Variants in ZNRF3 observed in about 807,000 individuals in gnomAD.
ZNRF3 encodes the protein zinc and ring finger 3.
ZNRF3 carries 23 observed loss-of-function variants against 72.5 expected under a neutral mutation model. The observed-to-expected ratio is 0.32, with a 90% CI of 0.23 to 0.45. The LOEUF is 0.45. ZNRF3 is among the 20% of genes least tolerant of loss of function. The pLI is 1.00. For missense variants in ZNRF3, 1,169 were observed against 1,272.1 expected (o/e 0.92, Z 1.23); for synonymous variants, 610 against 545.3 (o/e 1.12, Z -1.65).
intron 1 of ZNRF3, among the ~76,000 whole-genome samples, chr22:28,962,749 A>G (rs2035387568): frequency 1.3e-5 from 2 of 152,220 alleles, no homozygotes; most frequent in South Asian, 4.1e-4. Flanking sequence ...GAGCTGCCAT[A>G]CTGATGCCTC....
At chr22:28,886,078 C>T (rs2033781159) in intron 1 of ZNRF3, among the ~76,000 whole-genome samples, 1 of 152,316 alleles carries the variant, frequency 6.6e-6, no homozygotes, top group East Asian at 1.9e-4. Flanking sequence ...TCTGAATAGT[C>T]ATTTCATGGT....
At chr22:28,970,588 G>C (rs1215492628) in intron 1 of ZNRF3, among the ~76,000 whole-genome samples, 1 of 152,198 alleles carries the variant, frequency 6.6e-6, no homozygotes, top group Non-Finnish European at 1.5e-5. Flanking sequence ...TTGTAATAGT[G>C]AAAAAGTGGA....
intron 2 of ZNRF3, among the ~76,000 whole-genome samples, chr22:29,021,132 G>A (rs1272492061): frequency 6.6e-6 from 1 of 151,962 alleles, no homozygotes; most frequent in Non-Finnish European, 1.5e-5. Context: ...TACTCAGAAG[G>A]CTGAGGGAGG....
At chr22:29,002,868 C>T (rs376333821) in intron 2 of ZNRF3, among the ~76,000 whole-genome samples, 2 of 152,170 alleles carry the variant, frequency 1.3e-5, no homozygotes, top group Non-Finnish European at 1.5e-5. Flanking sequence ...GATAGACAGG[C>T]GCACATGGCA....
chr22:28,939,139 G>T (rs2034894149), intron 1 of ZNRF3, among the ~76,000 whole-genome samples: 1 of 152,040 alleles, frequency 6.6e-6, no homozygotes, highest in African/African-American at 2.4e-5. Context: ...ACCAAAATTA[G>T]CTGGGATAGT....
intron 2 of ZNRF3, among the ~76,000 whole-genome samples, chr22:28,988,490 A>C (rs985448514): frequency 6.6e-6 from 1 of 152,170 alleles, no homozygotes; most frequent in African/African-American, 2.4e-5. Flanking sequence ...ACTTCAAGTC[A>C]CTTGTCAAGT....
At chr22:28,929,352 G>T (rs2034664884) in intron 1 of ZNRF3, among the ~76,000 whole-genome samples, 2 of 152,080 alleles carry the variant, frequency 1.3e-5, no homozygotes, top group Non-Finnish European at 2.9e-5. Flanking sequence ...TAATTTTTTT[G>T]TTGTGGCTCC....
intron 1 of ZNRF3, among the ~76,000 whole-genome samples, chr22:28,986,201 A>G (rs994870176): frequency 6.6e-6 from 1 of 152,240 alleles, no homozygotes; most frequent in Non-Finnish European, 1.5e-5. Flanking sequence ...CTTGGGGGCC[A>G]TATTCTGTCT....
In ZNRF3 at chr22:28,963,227, A is replaced by G. The variant is rs576900385; in HGVS notation, c.301-23849A>G. On this transcript the variant is annotated intron_variant, in intron 1 of 8. Transcript: ENST00000544604. ...AACACACAGAGTGCATGAAAGCAGG[A>G]CACAGAGATGAATCCTGAATGGGCA... Among the ~76,000 whole-genome samples, 8 of 152,340 alleles carry G rather than the reference A, an allele frequency of 5.3e-5. No individual in the cohort carries two copies. The East Asian group carries it at 9.7e-4, about 18-fold the overall frequency.
At chr22:28,985,885 A>G (rs974972170) in intron 1 of ZNRF3, among the ~76,000 whole-genome samples, 14 of 152,220 alleles carry the variant, frequency 9.2e-5, no homozygotes, top group Non-Finnish European at 1.6e-4. Context: ...TCAGGGCTAC[A>G]TTCTTTCTGG....
chr22:28,967,783 G>A (rs2123810292), intron 1 of ZNRF3, among the ~76,000 whole-genome samples: 1 of 152,038 alleles, frequency 6.6e-6, no homozygotes, highest in African/African-American at 2.4e-5. Flanking sequence ...AAACTAGCCA[G>A]GCATAATGAC....
rs2036733809 is a variant in ZNRF3 at position 29,030,803 on chromosome 22, C to T, written c.427-11692C>T. On this transcript the variant is annotated intron_variant, in intron 2 of 8. Coordinates refer to ENST00000544604, the MANE Select transcript of ZNRF3 (RefSeq NM_001206998.2). This position sits in a 1 kb window ranked among gnomAD's most constrained non-coding sequence, Gnocchi z 4.2. ...CGGGTGGGAGTGGGGAGGAGGAGGG[C>T]TCCTGGCGCGGGGAGGAGCCGCGGG... Among the ~76,000 whole-genome samples the T allele has an allele frequency of 6.6e-6, 1 of 151,728 alleles. No individual in the cohort carries two copies. Among genetic ancestry groups the T allele is most frequent in the Non-Finnish European group, 1.5e-5 (1 of 67,906 alleles).
At chr22:28,966,899 TCTCG>T (rs2035476219) in intron 1 of ZNRF3, among the ~76,000 whole-genome samples, 1 of 139,432 alleles carries the variant, frequency 7.2e-6, no homozygotes, top group Non-Finnish European at 1.5e-5. Context: ...TGAGATGGAG[TCTCG>T]CTCTGTTGCC....
Position 29,049,693 on chromosome 22 carries a change from T to TGGCAGC in ZNRF3, c.1513_1518dup (p.Gly505_Ser506dup). 7 of 1,606,488 alleles carry TGGCAGC rather than the reference T, an allele frequency of 4.4e-6. No homozygotes were observed. The highest frequency in any genetic ancestry group is 5.9e-6 in the Non-Finnish European group (7 of 1,178,462). On this transcript the variant is annotated inframe_insertion, in exon 8 of 9. Transcript: ENST00000544604. This position sits in a 1 kb window ranked among gnomAD's most constrained non-coding sequence, Gnocchi z 5.2. ...CCCGTGCCTTTCCTCCGAGCGGCAGTGGCAGCCTGCTCTTCCCCACCGTGG... is the reference window on the plus strand; with the variant it reads ...CCCGTGCCTTTCCTCCGAGCGGCAGTGGCAGCGGCAGCCTGCTCTTCCCCACCGTGG...
chr22:28,905,827 C>G (rs2034196147), intron 1 of ZNRF3, among the ~76,000 whole-genome samples: 2 of 152,182 alleles, frequency 1.3e-5, no homozygotes, highest in Admixed American at 1.3e-4. Context: ...GTTTTTCTCA[C>G]TAGATCCTTA....
At chr22:28,923,834 G>A (rs1194721659) in intron 1 of ZNRF3, among the ~76,000 whole-genome samples, 1 of 152,272 alleles carries the variant, frequency 6.6e-6, no homozygotes. Flanking sequence ...GATGGTGTAT[G>A]TGTTTCACTG....
intron 1 of ZNRF3, among the ~76,000 whole-genome samples, chr22:28,919,508 A>G (rs1239259622): frequency 6.6e-6 from 1 of 152,064 alleles, no homozygotes; most frequent in Non-Finnish European, 1.5e-5. Context: ...CAGGTATGGA[A>G]ATACAGACCC....
intron 1 of ZNRF3, among the ~76,000 whole-genome samples, chr22:28,963,462 AG>A (rs932009678): frequency 9.9e-5 from 15 of 152,032 alleles, no homozygotes; most frequent in East Asian, 7.7e-4. Flanking sequence ...ATCGCAGGAG[AG>A]GGGGGTAGGG....
chr22:28,892,856 T>C (rs1280239202), intron 1 of ZNRF3, among the ~76,000 whole-genome samples: 2 of 152,160 alleles, frequency 1.3e-5, no homozygotes, highest in Non-Finnish European at 1.5e-5. Flanking sequence ...GGCCTCCTGG[T>C]GCAGAAGTGC....
Sources: allele counts gnomAD v4.1 joint callset (sites outside exome capture counted in the v4.1 genomes callset), GRCh38; gene constraint gnomAD v4.1.1; non-coding constraint Gnocchi (gnomAD v3.1); transcripts MANE v1.5; gene names NCBI Gene and HGNC (gene_info 2026-07-23, HGNC 2026-07-21).